ANKS1B: variants seen among roughly 807,000 people sequenced by gnomAD.
ANKS1B encodes the protein ankyrin repeat and sterile alpha motif domain-containing protein 1B.
A neutral mutation model predicts 148.3 loss-of-function variants in ANKS1B; 36 were observed. That is an observed-to-expected ratio of 0.24 (90% CI 0.19 to 0.32). The LOEUF (loss-of-function observed/expected upper bound fraction) is 0.32. Ranked by LOEUF, ANKS1B falls within the 10% of genes least tolerant of loss-of-function variation. The pLI is 1.00. For synonymous variants in ANKS1B, 542 were observed against 560.8 expected, an observed-to-expected ratio of 0.97 and a Z score of 0.47; for missense variants, 1,157 against 1,542.6, an observed-to-expected ratio of 0.75 and a Z score of 4.19.
At chr12:99,175,105 AG>A (rs1180037470) in intron 14 of ANKS1B, among the ~76,000 whole-genome samples, 1 of 118,506 alleles carries the variant, frequency 8.4e-6, no homozygotes, top group African/African-American at 2.7e-5. Flanking sequence ...TGAATTGTAT[AG>A]TCACATGCAT....
intron 17 of ANKS1B, among the ~76,000 whole-genome samples, chr12:99,052,523 C>G (rs893968557): frequency 1.4e-5 from 2 of 146,894 alleles, no homozygotes; most frequent in South Asian, 4.8e-4. Context: ...GTCAGGAGAT[C>G]GAGACCATCC....
intron 18 of ANKS1B, 66 bp downstream of exon 18, chr12:98,831,963 G>GTGAGA: frequency 7.0e-7 from 1 of 1,429,308 alleles, no homozygotes; most frequent in Non-Finnish European, 9.7e-7. Context: ...TGTTGGCCAG[G>GTGAGA]CTGGTCTCAA....
At chr12:99,609,613 T>C (rs2153338301) in intron 9 of ANKS1B, among the ~76,000 whole-genome samples, 1 of 151,790 alleles carries the variant, frequency 6.6e-6, no homozygotes, top group Admixed American at 6.6e-5. Flanking sequence ...CCTCATCCAC[T>C]GGCTGCCTGA....
chr12:98,742,803 C>T (rs954018078), downstream of ANKS1B, among the ~76,000 whole-genome samples: 1 of 152,200 alleles, frequency 6.6e-6, no homozygotes, highest in African/African-American at 2.4e-5. Context: ...TGTCCATTTG[C>T]CTAGAGGCAG....
At chr12:99,209,530 A>G (rs1367670190) in intron 14 of ANKS1B, among the ~76,000 whole-genome samples, 1 of 152,188 alleles carries the variant, frequency 6.6e-6, no homozygotes, top group Non-Finnish European at 1.5e-5. Context: ...GCCCTGTAAG[A>G]TGAAGCTAGA....
At chr12:99,264,036 T>C (rs1187101747) in intron 12 of ANKS1B, among the ~76,000 whole-genome samples, 1 of 152,168 alleles carries the variant, frequency 6.6e-6, no homozygotes, top group African/African-American at 2.4e-5. Flanking sequence ...CAATTCCCCA[T>C]TGTCTTCTGT....
chr12:99,647,295 T>C (rs1041945793), intron 9 of ANKS1B, among the ~76,000 whole-genome samples: 2 of 152,190 alleles, frequency 1.3e-5, no homozygotes, highest in Non-Finnish European at 2.9e-5. Flanking sequence ...GACTGTCCCG[T>C]CACAGAAGCT....
At chr12:99,484,078 T>A (rs1050054075) in intron 10 of ANKS1B, among the ~76,000 whole-genome samples, 3 of 152,094 alleles carry the variant, frequency 2.0e-5, no homozygotes, top group Non-Finnish European at 4.4e-5. Flanking sequence ...TCCCTTGAGA[T>A]ACAACATAAG....
At chr12:99,269,868 AT>A (rs1424145387) in intron 12 of ANKS1B, among the ~76,000 whole-genome samples, 2 of 152,132 alleles carry the variant, frequency 1.3e-5, no homozygotes, top group South Asian at 4.1e-4. Flanking sequence ...CGACTTGCTC[AT>A]TATTTTTAAA....
intron 15 of ANKS1B, among the ~76,000 whole-genome samples, chr12:99,153,882 C>G (rs1352225782): frequency 6.6e-6 from 1 of 152,134 alleles, no homozygotes; most frequent in East Asian, 1.9e-4. Flanking sequence ...CAAATTGTCT[C>G]ATTAACCACT....
intron 17 of ANKS1B, chr12:98,895,359 C>G (rs973415891): frequency 3.1e-6 from 3 of 969,390 alleles, no homozygotes; most frequent in Non-Finnish European, 3.7e-6. Flanking sequence ...AGCAGCGGCG[C>G]GGCTCCGCGG....
chr12:99,615,001 G>A (rs1483728888), intron 9 of ANKS1B, among the ~76,000 whole-genome samples: 4 of 152,060 alleles, frequency 2.6e-5, no homozygotes, highest in African/African-American at 7.2e-5. Context: ...CCCCCACCTT[G>A]AAAATTACTT....
At position 98,764,007 on chromosome 12, in the gene ANKS1B, T is replaced by C. The variant is rs553002585; in HGVS notation, c.3579+9035A>G. 7.9e-5 allele frequency among the ~76,000 whole-genome samples: 12 copies of C among 152,354 alleles called. No homozygotes were observed. The South Asian group carries it at 2.3e-3, about 29-fold the overall frequency. The stretch of plus-strand genomic sequence containing the variant: ...ACTGCAGCCCAACACACTGGTCACC[T>C]GTCTTCATGGAACCACAGCCTAAGG... On this transcript the variant is annotated intron_variant, in intron 25 of 26. Transcript: ENST00000683438.
chr12:99,825,184 C>T, intron 2 of ANKS1B, 125 bp downstream of exon 2: 1 of 726,182 alleles, frequency 1.4e-6, no homozygotes, highest in Non-Finnish European at 2.3e-6. Context: ...GTCACCTGGT[C>T]CCTTTCCAAA....
intron 1 of ANKS1B, among the ~76,000 whole-genome samples, chr12:99,965,017 T>C (rs1333112373): frequency 1.3e-5 from 2 of 152,176 alleles, no homozygotes; most frequent in Non-Finnish European, 2.9e-5. Context: ...TTAATAACTA[T>C]AGAGATGTAA....
chr12:99,024,237 A>T (rs2153446791), intron 17 of ANKS1B, among the ~76,000 whole-genome samples: 1 of 152,280 alleles, frequency 6.6e-6, no homozygotes, highest in East Asian at 1.9e-4. Context: ...ATACCCACTA[A>T]AGAACATTAT....
intron 17 of ANKS1B, among the ~76,000 whole-genome samples, chr12:98,867,786 C>T (rs139581228): frequency 6.6e-4 from 99 of 150,968 alleles, no homozygotes; most frequent in African/African-American, 2.2e-3. Context: ...GGTGTGGACC[C>T]GGGAGGAGGA....
chr12:99,399,849 C>T lies in ANKS1B; in HGVS notation c.1576-38G>A, dbSNP rs373184411. The stretch of plus-strand genomic sequence containing the variant: ...AGCATGACGAGAGTATTAATATGAT[C>T]ATGTTCATCTTCAGCCCAATCTCCC... On this transcript the variant is annotated intron_variant, in intron 11 of 26. Transcript: ENST00000683438. 16 of 1,601,546 alleles carry T rather than the reference C, an allele frequency of 1.0e-5. No individual in the cohort carries two copies. The African/African-American group carries it at 2.0e-4, about 20-fold the overall frequency.
chr12:99,179,353 C>A (rs993753905), intron 14 of ANKS1B, among the ~76,000 whole-genome samples: 9 of 147,802 alleles, frequency 6.1e-5, no homozygotes, highest in African/African-American at 2.3e-4. Flanking sequence ...GGTGTGAACC[C>A]AGGAGATGGA....
Sources: gnomAD v4.1 joint callset for allele counts (sites outside exome capture counted in the v4.1 genomes callset) on GRCh38, gnomAD v4.1.1 for gene constraint, MANE v1.5 for transcripts, NCBI Gene and HGNC (gene_info 2026-07-23, HGNC 2026-07-21) for gene names.